The following PSG9 variants were observed in gnomAD, a reference collection of about 807,000 sequenced individuals.
The protein encoded by PSG9 is pregnancy specific beta-1-glycoprotein 9.
Under a neutral mutation model 41.9 loss-of-function variants are expected in PSG9, and 49 were observed. The ratio of observed to expected loss-of-function variants is 1.17; its 90% confidence interval spans 0.93 to 1.48. The LOEUF is 1.48. Ranked by LOEUF, PSG9 falls within the 40% of genes most tolerant of loss-of-function variation. The pLI is 0.00. For missense variants in PSG9, 641 were observed against 520.3 expected (o/e 1.23, Z -2.26); for synonymous variants, 263 against 196.8 (o/e 1.34, Z -2.82).
At chr19:43,268,852 ATG>A (rs1969110689) in intron 1 of PSG9, among the ~76,000 whole-genome samples, 2 of 152,114 alleles carry the variant, frequency 1.3e-5, no homozygotes, top group Admixed American at 6.5e-5. Flanking sequence ...ATTTTTCAAA[ATG>A]TGGTGGCCCC....
Position 43,267,831 on chromosome 19 carries a change from C to T in PSG9, c.383G>A (p.Gly128Asp), listed in dbSNP as rs565274731. 1 of 1,613,518 alleles carries T rather than the reference C, an allele frequency of 6.2e-7. No homozygotes were observed. Among genetic ancestry groups the T allele is most frequent in the Non-Finnish European group, 8.5e-7 (1 of 1,179,632 alleles). The change falls in exon 2 of 6, where the codon GGT becomes GAT. Residue 128 changes from glycine to aspartate, a missense_variant. By Grantham distance (94) the Gly-to-Asp change is moderately conservative. Transcript: ENST00000270077. Reference sequence around the variant, plus strand: ...TCGAATTTCTTCTCTAGTCTCATCACCTCGCTTTATGATGTGTAAGGTGTA... The same window carrying T: ...TCGAATTTCTTCTCTAGTCTCATCATCTCGCTTTATGATGTGTAAGGTGTA... ...GTYTLHIIKR[G>D]DETREEIRHF...
intron 3 of PSG9, among the ~76,000 whole-genome samples, chr19:43,261,583 T>A (rs573276369): frequency 3.3e-5 from 5 of 152,198 alleles, no homozygotes; most frequent in African/African-American, 7.2e-5. Context: ...GCCAAATCCC[T>A]GCTGTGTTCA....
chr19:43,257,340 T>G (rs1968477947), intron 5 of PSG9: 1 of 930,466 alleles, frequency 1.1e-6, no homozygotes, highest in African/African-American at 1.9e-5. Context: ...ATATTAGATA[T>G]ATATAAAGTG....
At chr19:43,264,923 A>C (rs539194401) in intron 2 of PSG9, among the ~76,000 whole-genome samples, 1 of 152,270 alleles carries the variant, frequency 6.6e-6, no homozygotes, top group East Asian at 1.9e-4. Context: ...ATGGAGTCAC[A>C]AATGAAATGG....
chr19:43,268,733 C>T (rs537002333), intron 1 of PSG9, among the ~76,000 whole-genome samples: 97 of 152,214 alleles, frequency 6.4e-4, no homozygotes, highest in African/African-American at 2.2e-3. Flanking sequence ...CCCTCCATGC[C>T]CTGGGTGTTT....
intron 2 of PSG9, among the ~76,000 whole-genome samples, chr19:43,266,031 G>A (rs1189449836): frequency 6.6e-6 from 1 of 151,844 alleles, no homozygotes; most frequent in Non-Finnish European, 1.5e-5. Flanking sequence ...TAGGGGTGGG[G>A]GAAGAAGCTG....
Sources: gnomAD v4.1 joint callset for allele counts (sites outside exome capture counted in the v4.1 genomes callset) on GRCh38, gnomAD v4.1.1 for gene constraint, MANE v1.5 for transcripts, NCBI Gene and HGNC (gene_info 2026-07-23, HGNC 2026-07-21) for gene names.